The following CACNB2 variants were observed in gnomAD, a reference collection of about 807,000 sequenced individuals.
CACNB2 encodes the protein voltage-dependent L-type calcium channel subunit beta-2.
CACNB2 carries 42 observed loss-of-function variants against 73.3 expected under a neutral mutation model. That is an observed-to-expected ratio of 0.57 (90% CI 0.45 to 0.74). CACNB2 has a LOEUF of 0.74. Ranked by LOEUF, CACNB2 falls within the 30% of genes least tolerant of loss-of-function variation. The pLI is 0.00. For synonymous variants in CACNB2, 348 were observed against 310.3 expected, an observed-to-expected ratio of 1.12 and a Z score of -1.28; for missense variants, 940 against 853.0, an observed-to-expected ratio of 1.10 and a Z score of -1.27.
chr10:18,364,040 C>T (rs555165520), intron 2 of CACNB2, among the ~76,000 whole-genome samples: 55 of 151,840 alleles, frequency 3.6e-4, no homozygotes, highest in African/African-American at 1.1e-3. Context: ...CTCCGCCTCC[C>T]GGGTTCAAGT....
At chr10:18,455,336 C>T (rs1163016277) in intron 3 of CACNB2, among the ~76,000 whole-genome samples, 2 of 152,136 alleles carry the variant, frequency 1.3e-5, no homozygotes, top group Non-Finnish European at 2.9e-5. Flanking sequence ...AGAAACGGCA[C>T]TTAAGTTATT....
intron 3 of CACNB2, among the ~76,000 whole-genome samples, chr10:18,448,479 T>TAAAAA (rs56255761): frequency 6.5e-5 from 7 of 107,068 alleles, no homozygotes; most frequent in African/African-American, 1.1e-4. Flanking sequence ...CTCTCTCATT[T>TAAAAA]AAAAAAAAAA....
chr10:18,181,649 C>G (rs1374462989), intron 2 of CACNB2, among the ~76,000 whole-genome samples: 2 of 132,370 alleles, frequency 1.5e-5, no homozygotes, highest in Non-Finnish European at 3.5e-5. Context: ...GGGTCTCACT[C>G]TGTCACCCAG....
intron 3 of CACNB2, among the ~76,000 whole-genome samples, chr10:18,462,690 A>G (rs2132687069): frequency 6.6e-6 from 1 of 152,240 alleles, no homozygotes; most frequent in East Asian, 1.9e-4. Context: ...TTTTACTGTT[A>G]AAAAGTGAAA....
intron 2 of CACNB2, among the ~76,000 whole-genome samples, chr10:18,365,505 A>G (rs937120100): frequency 6.6e-6 from 1 of 152,110 alleles, no homozygotes; most frequent in Non-Finnish European, 1.5e-5. Flanking sequence ...GCATTACTGT[A>G]TTTTAATCTA....
At chr10:18,478,190 C>T (rs543997589) in intron 3 of CACNB2, among the ~76,000 whole-genome samples, 1 of 152,254 alleles carries the variant, frequency 6.6e-6, no homozygotes, top group Admixed American at 6.5e-5. Flanking sequence ...CCTCAGCCTC[C>T]GAAGGTGCTG....
chr10:18,514,597 T>C (rs2051095045), intron 7 of CACNB2: 2 of 1,527,786 alleles, frequency 1.3e-6, no homozygotes, highest in African/African-American at 2.7e-5. Context: ...ATTCCCACAG[T>C]TGTATTAAAT....
chr10:18,359,172 A>C (rs1271018325), intron 2 of CACNB2, among the ~76,000 whole-genome samples: 1 of 152,144 alleles, frequency 6.6e-6, no homozygotes, highest in Non-Finnish European at 1.5e-5. Flanking sequence ...ACCTTAAACT[A>C]AAATATCCCG....
intron 2 of CACNB2, among the ~76,000 whole-genome samples, chr10:18,279,334 G>A (rs1015837702): frequency 2.0e-5 from 3 of 152,076 alleles, no homozygotes; most frequent in South Asian, 2.1e-4. Context: ...TAACTCTTAC[G>A]AATAATGAAA....
intron 7 of CACNB2, among the ~76,000 whole-genome samples, chr10:18,514,777 C>G (rs2051112989): frequency 6.6e-6 from 1 of 152,180 alleles, no homozygotes; most frequent in Non-Finnish European, 1.5e-5. Context: ...TCAGGGATGT[C>G]AAACACTGAC....
intron 3 of CACNB2, among the ~76,000 whole-genome samples, chr10:18,488,865 C>T (rs1272891210): frequency 6.6e-6 from 1 of 150,628 alleles, no homozygotes; most frequent in Non-Finnish European, 1.5e-5. Flanking sequence ...CGCTTATGGC[C>T]TGGGAGAACA....
chr10:18,291,403 T>A (rs1340799525), intron 2 of CACNB2, among the ~76,000 whole-genome samples: 2 of 152,210 alleles, frequency 1.3e-5, no homozygotes, highest in Admixed American at 6.5e-5. Context: ...ATTTTGGACG[T>A]TTCCACGTGG....
intron 2 of CACNB2, among the ~76,000 whole-genome samples, chr10:18,381,526 A>G (rs966483214): frequency 6.6e-6 from 1 of 151,850 alleles, no homozygotes; most frequent in Non-Finnish European, 1.5e-5. Context: ...CGTCTCTACT[A>G]AAAATACAAA....
At chr10:18,369,402 T>A (rs1350065532) in intron 2 of CACNB2, among the ~76,000 whole-genome samples, 1 of 152,212 alleles carries the variant, frequency 6.6e-6, no homozygotes, top group Non-Finnish European at 1.5e-5. Context: ...TTGATCTTTT[T>A]AATGCATTCA....
intron 2 of CACNB2, among the ~76,000 whole-genome samples, chr10:18,214,113 G>T (rs1588716270): frequency 6.6e-6 from 1 of 152,316 alleles, no homozygotes; most frequent in East Asian, 1.9e-4. Flanking sequence ...CAGGGGGGCA[G>T]TGTGTGGGAA....
chr10:18,286,180 A>C (rs1296606179), intron 2 of CACNB2, among the ~76,000 whole-genome samples: 1 of 152,208 alleles, frequency 6.6e-6, no homozygotes, highest in African/African-American at 2.4e-5. Context: ...AGTTGATCCC[A>C]CAAAGAATAT....
intron 11 of CACNB2, among the ~76,000 whole-genome samples, chr10:18,535,239 T>C (rs1205481674): frequency 6.6e-6 from 1 of 152,060 alleles, no homozygotes; most frequent in East Asian, 1.9e-4. Context: ...ACATAACAAA[T>C]AGTCTTTAAG....
At chr10:18,189,525 T>C (rs2034302460) in intron 2 of CACNB2, among the ~76,000 whole-genome samples, 1 of 152,214 alleles carries the variant, frequency 6.6e-6, no homozygotes, top group African/African-American at 2.4e-5. Flanking sequence ...GTGAACCCTT[T>C]TCTATTTTGT....
At chr10:18,229,310 C>A (rs944578939) in intron 2 of CACNB2, among the ~76,000 whole-genome samples, 1 of 151,896 alleles carries the variant, frequency 6.6e-6, no homozygotes, top group African/African-American at 2.4e-5. Context: ...ATCGTTATTC[C>A]CATATTGAGG....
Sources: gnomAD v4.1 joint callset for allele counts (sites outside exome capture counted in the v4.1 genomes callset) on GRCh38, gnomAD v4.1.1 for gene constraint, MANE v1.5 for transcripts, NCBI Gene and HGNC (gene_info 2026-07-23, HGNC 2026-07-21) for gene names.